Variants in UNC5C observed in about 807,000 individuals in gnomAD.
The protein encoded by UNC5C is unc-5 netrin receptor C, also known as netrin receptor UNC5C.
A neutral mutation model predicts 99.8 loss-of-function variants in UNC5C; 47 were observed. That is an observed-to-expected ratio of 0.47 (90% CI 0.37 to 0.60). The LOEUF is 0.60. Among genes scored for constraint, UNC5C ranks in the 20% least tolerant of loss-of-function variants. The pLI, the probability that UNC5C is intolerant of heterozygous loss-of-function variation, is 0.00. For missense variants in UNC5C, 1,062 were observed against 1,165.9 expected (o/e 0.91, Z 1.30); for synonymous variants, 487 against 452.2 (o/e 1.08, Z -0.98).
chr4:95,332,221 T>C (rs920765674), intron 2 of UNC5C, among the ~76,000 whole-genome samples: 1 of 152,042 alleles, frequency 6.6e-6, no homozygotes, highest in African/African-American at 2.4e-5. Flanking sequence ...AAAAAACTAC[T>C]TTAAAGTTCA....
chr4:95,368,144 G>C (rs927470483), intron 1 of UNC5C, among the ~76,000 whole-genome samples: 3 of 152,040 alleles, frequency 2.0e-5, no homozygotes, highest in Admixed American at 2.0e-4. Context: ...ACACTGTCTA[G>C]CTATCTGTGA....
intron 2 of UNC5C, among the ~76,000 whole-genome samples, chr4:95,323,202 A>T (rs1579324197): frequency 6.6e-6 from 1 of 152,196 alleles, no homozygotes; most frequent in Non-Finnish European, 1.5e-5. Flanking sequence ...TAGTTAATTC[A>T]TTCAAAATGT....
chr4:95,177,135 C>T lies in UNC5C; in HGVS notation c.2451+5762G>A, dbSNP rs1489073788. 2.6e-5 allele frequency among the ~76,000 whole-genome samples: 4 copies of T among 152,204 alleles called. No homozygotes were observed. In the South Asian group the frequency reaches 6.2e-4, roughly 24 times the overall value. On this transcript the variant is annotated intron_variant, in intron 14 of 15. Coordinates refer to ENST00000453304, the MANE Select transcript of UNC5C (RefSeq NM_003728.4). The stretch of plus-strand genomic sequence containing the variant: ...GTGCGCGCACCCACTGACCTGCGCC[C>T]ACTGTCTGGCACTCCCTAGTGAGAT...
chr4:95,506,302 G>T (rs1427078432), intron 1 of UNC5C, among the ~76,000 whole-genome samples: 1 of 152,022 alleles, frequency 6.6e-6, no homozygotes. Context: ...GACAGTATTT[G>T]TATTTAGGAT....
rs1226150353 is a variant in UNC5C, at chr4:95,354,484, T to A, written c.125-18853A>T. On this transcript the variant is annotated intron_variant, in intron 1 of 15. Transcript: ENST00000453304. Reference sequence around the variant, plus strand: ...TAACTCTTCCATATATATATATTTTTTTTTTTTTTTTAAGAGACAGGGTCT... The same window carrying A: ...TAACTCTTCCATATATATATATTTTATTTTTTTTTTTAAGAGACAGGGTCT... 2.6e-3 allele frequency among the ~76,000 whole-genome samples: 361 copies of A among 138,024 alleles called. 5 individuals carry two copies. The highest frequency in any genetic ancestry group is 5.3e-3 in the African/African-American group (186 of 34,892). The allele number at this position is 138,024 out of a possible 152,430, so 90.5% of individuals were successfully genotyped here.
chr4:95,244,237 C>T (rs1423988497), intron 6 of UNC5C, among the ~76,000 whole-genome samples: 1 of 152,090 alleles, frequency 6.6e-6, no homozygotes, highest in Non-Finnish European at 1.5e-5. Flanking sequence ...TTTAGCTTAG[C>T]TTTGGAATAT....
intron 1 of UNC5C, among the ~76,000 whole-genome samples, chr4:95,531,979 T>C (rs1171998552): frequency 6.6e-6 from 1 of 152,238 alleles, no homozygotes; most frequent in Non-Finnish European, 1.5e-5. Context: ...AAAGATTCTC[T>C]GGCAGTACTG....
intron 1 of UNC5C, among the ~76,000 whole-genome samples, chr4:95,481,528 C>A (rs1721154616): frequency 6.6e-6 from 1 of 151,846 alleles, no homozygotes; most frequent in Non-Finnish European, 1.5e-5. Context: ...TCATATGGAA[C>A]CAAAAAAGAG....
At chr4:95,299,246 C>T (rs1050518787) in intron 3 of UNC5C, among the ~76,000 whole-genome samples, 4 of 152,080 alleles carry the variant, frequency 2.6e-5, no homozygotes, top group African/African-American at 9.7e-5. Context: ...TGTGCACACA[C>T]ACAGAGTAAA....
intron 1 of UNC5C, among the ~76,000 whole-genome samples, chr4:95,504,728 A>C (rs1721870377): frequency 6.6e-6 from 1 of 152,124 alleles, no homozygotes; most frequent in African/African-American, 2.4e-5. Flanking sequence ...CCTTTGTGCC[A>C]AAATCAAATT....
intron 7 of UNC5C, among the ~76,000 whole-genome samples, chr4:95,228,000 G>T (rs1050592893): frequency 1.3e-5 from 2 of 152,126 alleles, no homozygotes; most frequent in African/African-American, 4.8e-5. Context: ...CATTGTAAAA[G>T]ATCAGAGCCC....
intron 1 of UNC5C, among the ~76,000 whole-genome samples, chr4:95,399,192 G>A (rs1003796619): frequency 5.3e-5 from 8 of 151,920 alleles, no homozygotes; most frequent in African/African-American, 1.9e-4. Context: ...GTTTTAAAAA[G>A]GACAAAAAAA....
chr4:95,471,085 T>G (rs1424950767), intron 1 of UNC5C, among the ~76,000 whole-genome samples: 4 of 151,770 alleles, frequency 2.6e-5, no homozygotes, highest in Non-Finnish European at 5.9e-5. Flanking sequence ...CTTCTTAAAT[T>G]TAAATATAGG....
intron 7 of UNC5C, among the ~76,000 whole-genome samples, chr4:95,221,966 T>C (rs887482423): frequency 6.6e-6 from 1 of 152,214 alleles, no homozygotes; most frequent in South Asian, 2.1e-4. Flanking sequence ...TTTCATGATA[T>C]GTTTTGTCAG....
intron 1 of UNC5C, among the ~76,000 whole-genome samples, chr4:95,519,422 T>C (rs1722295236): frequency 6.6e-6 from 1 of 152,084 alleles, no homozygotes; most frequent in African/African-American, 2.4e-5. Context: ...TGGACCCAAG[T>C]TTATTTCATC....
intron 2 of UNC5C, among the ~76,000 whole-genome samples, chr4:95,320,594 G>T (rs1471494240): frequency 1.3e-5 from 2 of 152,134 alleles, no homozygotes; most frequent in African/African-American, 4.8e-5. Context: ...CATATGCACG[G>T]TTGCTGAGCA....
At chr4:95,242,234 C>T (rs17023334) in intron 7 of UNC5C, among the ~76,000 whole-genome samples, 195 bp downstream of exon 7, 1,710 of 152,188 alleles carry the variant, frequency 0.011, 41 homozygotes, top group African/African-American at 0.038. Flanking sequence ...ATTTGTTAGC[C>T]GGACATAGTT....
At chr4:95,278,605 G>T (rs1330532247) in intron 3 of UNC5C, among the ~76,000 whole-genome samples, 1 of 151,864 alleles carries the variant, frequency 6.6e-6, no homozygotes, top group African/African-American at 2.4e-5. Flanking sequence ...CTTCTGAGTG[G>T]CTGGGACTAC....
rs1735818154 is a variant in UNC5C at position 95,165,269 on chromosome 4, C to T, written c.*3965G>A. ...CTTTTTTCTCCTGAAAATCGCTCTA[C>T]TTTTTGATAGTTGAGAGACTTAAAT... On this transcript the variant is annotated 3_prime_UTR_variant, in exon 16 of 16. Transcript: ENST00000453304. 6.6e-6 allele frequency: 1 copy of T among 152,190 alleles called. No individual in the cohort carries two copies. 9.4% of individuals were successfully genotyped at this position (152,190 alleles called of 1,614,324 possible).
Sources: gnomAD v4.1 joint callset for allele counts (sites outside exome capture counted in the v4.1 genomes callset) on GRCh38, gnomAD v4.1.1 for gene constraint, MANE v1.5 for transcripts, NCBI Gene and HGNC (gene_info 2026-07-23, HGNC 2026-07-21) for gene names.